The following RDM1 variants were observed in gnomAD, a reference collection of about 807,000 sequenced individuals.
RDM1 encodes RAD52 motif containing 1, also known as RAD52 motif-containing protein 1.
RDM1 carries 28 observed loss-of-function variants against 27.7 expected under a neutral mutation model. The observed-to-expected ratio is 1.01, with a 90% CI of 0.75 to 1.39. The LOEUF is 1.39. Among genes scored for constraint, RDM1 ranks in the 40% most tolerant of loss-of-function variants. The probability of loss-of-function intolerance (pLI) is 0.00; values close to 1 mark genes in which losing one functional copy is unlikely to be tolerated. For missense variants in RDM1, 277 were observed against 337.3 expected (o/e 0.82, Z 1.40); for synonymous variants, 124 against 127.5 (o/e 0.97, Z 0.19).
At chr17:35,921,593 A>G (rs1416376988) in intron 5 of RDM1, among the ~76,000 whole-genome samples, 2 of 152,248 alleles carry the variant, frequency 1.3e-5, no homozygotes, top group African/African-American at 4.8e-5. Flanking sequence ...TTTGTATAAG[A>G]ATCATACTTG....
intron 5 of RDM1, among the ~76,000 whole-genome samples, chr17:35,921,918 CTTTT>C (rs755056334): frequency 6.9e-5 from 8 of 116,008 alleles, no homozygotes; most frequent in African/African-American, 6.4e-5. Flanking sequence ...ATTAAAAAAT[CTTTT>C]TTTTTTTTTT....
In RDM1 at chr17:35,922,672, G is replaced by T. The variant is rs1292287182; in HGVS notation, c.572C>A (p.Pro191Gln). Reference protein sequence around the residue: ...EEPMDKVEEGPLSFLMKRKTA... With the variant: ...EEPMDKVEEGQLSFLMKRKTA... ...CTTCCTTTTCATAAGGAATGATAAT[G>T]GTCCTAAATCCAACCAAAACAAATG... The change falls in exon 5 of 7, where the codon CCA (proline) becomes CAA (glutamine). Residue 191 changes from proline (P) to glutamine (Q), a missense_variant. Physicochemically the swap from Pro to Gln is moderately conservative, Grantham distance 76 (BLOSUM62 -1). Coordinates refer to ENST00000620284, the MANE Select transcript of RDM1 (RefSeq NM_145654.4). 1 of 1,603,656 alleles carries T rather than the reference G, an allele frequency of 6.2e-7. No individual in the cohort carries two copies. Among genetic ancestry groups the T allele is most frequent in the Admixed American group, 1.7e-5 (1 of 57,858 alleles).
intron 4 of RDM1, 100 bp from the exon 5 acceptor site, chr17:35,922,775 C>G: frequency 1.0e-6 from 1 of 957,802 alleles, no homozygotes; most frequent in Admixed American, 2.5e-5. Context: ...TAGCTCAAAA[C>G]CTTCATGACT....
chr17:35,925,524 C>A lies in RDM1; in HGVS notation c.390G>T (p.Arg130Ser), dbSNP rs2089113405. Residue 130 changes from arginine to serine, a missense_variant, in exon 3 of 7, where the codon AGG becomes AGT. Physicochemically the swap from Arg to Ser is moderately radical, Grantham distance 110. Coordinates refer to ENST00000620284, the MANE Select transcript of RDM1 (RefSeq NM_145654.4). ...AATCTACAAGGTTTACCTTGATGAT[C>A]CTTTTGGAACACCCATTGAAACCAA... Reference protein sequence around the residue: ...YYFGFNGCSKRIIKLQELSDL... With the variant: ...YYFGFNGCSKSIIKLQELSDL... The A allele has an allele frequency of 6.2e-7, 1 of 1,613,122 alleles. No individual in the cohort carries two copies. Among genetic ancestry groups the A allele is most frequent in the Admixed American group, 1.7e-5 (1 of 59,976 alleles).
chr17:35,922,985 C>T (rs971854028), intron 4 of RDM1, among the ~76,000 whole-genome samples: 4 of 152,144 alleles, frequency 2.6e-5, no homozygotes, highest in Admixed American at 2.0e-4. Flanking sequence ...CAGACCCTAC[C>T]CTCCTATGCA....
chr17:35,921,920 T>TC (rs1007399195), intron 5 of RDM1, among the ~76,000 whole-genome samples: 3 of 117,224 alleles, frequency 2.6e-5, no homozygotes, highest in Admixed American at 1.9e-4. Flanking sequence ...TAAAAAATCT[T>TC]TTTTTTTTTT....
rs764474408 is a variant in RDM1 at position 35,922,577 on chromosome 17, C to T, written c.667G>A (p.Glu223Lys). Residue 223 changes from glutamate (E) to lysine (K), a missense_variant and splice_region_variant, in exon 5 of 7, where the codon GAA (glutamate) becomes AAA (lysine). Glu to Lys is a moderately conservative substitution (Grantham distance 56). Coordinates refer to ENST00000620284, the MANE Select transcript of RDM1 (RefSeq NM_145654.4). Reference sequence around the variant, plus strand: ...TCAAGGATGATCAAGACAGTCTTACCTAGAACAACAATCAACAGTTTCTGG... The same window carrying T: ...TCAAGGATGATCAAGACAGTCTTACTTAGAACAACAATCAACAGTTTCTGG... ...AFQKLLIVVL[E>K]SGKIAVEYRP... 9.9e-6 allele frequency: 16 copies of T among 1,611,028 alleles called. No homozygotes were observed. The South Asian group carries it at 1.7e-4, about 17-fold the overall frequency.
At chr17:35,930,392 C>A in intron 1 of RDM1, 137 bp from the exon 2 acceptor site, 1 of 1,217,732 alleles carries the variant, frequency 8.2e-7, no homozygotes, top group Non-Finnish European at 1.2e-6. Flanking sequence ...AGGTTTTCCT[C>A]TTAAAATCCT....
intron 4 of RDM1, 105 bp downstream of exon 4, chr17:35,924,499 G>A (rs1012428855): frequency 7.1e-5 from 87 of 1,223,378 alleles, no homozygotes; most frequent in Non-Finnish European, 8.5e-5. Flanking sequence ...AGAGAGGGAG[G>A]GGCTTGATAT....
intron 5 of RDM1, 145 bp downstream of exon 5, chr17:35,922,432 G>A (rs1226118629): frequency 1.0e-6 from 1 of 987,560 alleles, no homozygotes; most frequent in Admixed American, 3.0e-5. Flanking sequence ...ACAAATTTGA[G>A]CCTGTTGGTG....
At position 35,930,267 on chromosome 17, in the gene RDM1, G is replaced by A; in HGVS notation, c.97-12C>T. ...GTGAACAGAGAATGCTGTGGGGGTG[G>A]GACAAGTAAATGCATGAAATCTCAC... On this transcript the variant is annotated splice_polypyrimidine_tract_variant and intron_variant, in intron 1 of 6. Coordinates refer to ENST00000620284, the MANE Select transcript of RDM1 (RefSeq NM_145654.4). 1 of 1,614,018 alleles carries A rather than the reference G, an allele frequency of 6.2e-7. No individual in the cohort carries two copies. Among genetic ancestry groups the A allele is most frequent in the Non-Finnish European group, 8.5e-7 (1 of 1,180,028 alleles).
chr17:35,921,092 C>T (rs2088930138), intron 5 of RDM1, among the ~76,000 whole-genome samples: 1 of 152,192 alleles, frequency 6.6e-6, no homozygotes, highest in Non-Finnish European at 1.5e-5. Context: ...ATTTTATTGG[C>T]AGACACAGGC....
At chr17:35,925,427 C>T (rs2089109473) in intron 3 of RDM1, 88 bp downstream of exon 3, 1 of 1,471,246 alleles carries the variant, frequency 6.8e-7, no homozygotes, top group Non-Finnish European at 9.3e-7. Context: ...CTCCTCCCTA[C>T]AATCCAGTTC....
At chr17:35,921,984 G>A (rs548882437) in intron 5 of RDM1, among the ~76,000 whole-genome samples, 36 of 144,070 alleles carry the variant, frequency 2.5e-4, no homozygotes, top group Non-Finnish European at 4.0e-4. Flanking sequence ...GCAGTGGCAC[G>A]ATCTTGGCTC....
At chr17:35,926,234 T>A (rs2089145749) in intron 2 of RDM1, among the ~76,000 whole-genome samples, 1 of 152,186 alleles carries the variant, frequency 6.6e-6, no homozygotes, top group South Asian at 2.1e-4. Context: ...CGCAAATATC[T>A]ACTGAGTGTT....
At chr17:35,918,467 G>A in intron 6 of RDM1, 24 bp from the exon 7 acceptor site, 3 of 1,583,882 alleles carry the variant, frequency 1.9e-6, no homozygotes, top group Non-Finnish European at 2.6e-6. Flanking sequence ...GCTAGTTAGG[G>A]TGGCAGGCAG....
chr17:35,930,741 C>G lies in RDM1; in HGVS notation c.-14G>C, dbSNP rs200538664. On this transcript the variant is annotated 5_prime_UTR_variant, in exon 1 of 7. Transcript: ENST00000620284. ...CAACTCCGCCATCCTCCCTTCACCG[C>G]ACCTGCGCGGCTAACCCTCGCCCCA... 16 of 1,611,858 alleles carry G rather than the reference C, an allele frequency of 9.9e-6. No individual in the cohort carries two copies. The East Asian group carries it at 2.7e-4, about 27-fold the overall frequency.
intron 1 of RDM1, 127 bp downstream of exon 1, chr17:35,930,505 C>A: frequency 1.0e-6 from 1 of 965,454 alleles, no homozygotes; most frequent in South Asian, 1.7e-5. Context: ...AGTTGGGATC[C>A]CCTTTATAAT....
At chr17:35,923,713 C>T (rs763377413) in intron 4 of RDM1, among the ~76,000 whole-genome samples, 1 of 152,066 alleles carries the variant, frequency 6.6e-6, no homozygotes. Flanking sequence ...CTGGGCATCA[C>T]CCCCGGGAGC....
Sources: allele counts gnomAD v4.1 joint callset (sites outside exome capture counted in the v4.1 genomes callset), GRCh38; gene constraint gnomAD v4.1.1; transcripts MANE v1.5; gene names NCBI Gene and HGNC (gene_info 2026-07-23, HGNC 2026-07-21).